SLC2A10: variants seen among roughly 807,000 people sequenced by gnomAD.
SLC2A10 encodes solute carrier family 2 member 10, also known as solute carrier family 2, facilitated glucose transporter member 10.
A neutral mutation model predicts 32.1 loss-of-function variants in SLC2A10; 25 were observed. The observed-to-expected ratio is 0.78, with a 90% CI of 0.57 to 1.09. SLC2A10 has a LOEUF of 1.09. Among genes scored for constraint, SLC2A10 ranks in the 50% least tolerant of loss-of-function variants. The pLI is 0.00. For synonymous variants in SLC2A10, 332 were observed against 309.6 expected, an observed-to-expected ratio of 1.07 and a Z score of -0.76; for missense variants, 673 against 686.5, an observed-to-expected ratio of 0.98 and a Z score of 0.22.
Position 46,733,381 on chromosome 20 carries a change from C to T in SLC2A10, c.1548-375C>T, listed in dbSNP as rs112418791. Among the ~76,000 whole-genome samples, 39 of 152,266 alleles carry T rather than the reference C, an allele frequency of 2.6e-4. 1 individual carries two copies. The highest frequency in any genetic ancestry group is 8.7e-4 in the African/African-American group (36 of 41,556). ...TGTTAAACCATTCATGAGAAGCTGC[C>T]CCCATGATCCAATCACCTCCCATCA... On this transcript the variant is annotated intron_variant, in intron 4 of 4. Coordinates refer to ENST00000359271, the MANE Select transcript of SLC2A10 (RefSeq NM_030777.4).
intron 1 of SLC2A10, 126 bp downstream of exon 1, chr20:46,709,866 CCT>C (rs1489850043): frequency 8.4e-7 from 1 of 1,196,020 alleles, no homozygotes; most frequent in Non-Finnish European, 1.2e-6. Flanking sequence ...CCGGATACCG[CCT>C]CTCGGGTGGC....
chr20:46,729,624 AGTTTT>A, intron 4 of SLC2A10, 136 bp downstream of exon 4: 3 of 372,644 alleles, frequency 8.1e-6, no homozygotes, highest in Non-Finnish European at 1.3e-5. Context: ...GGGCACTATG[AGTTTT>A]TTTTTTTTTT....
chr20:46,727,611 T>C (rs1980049839), intron 3 of SLC2A10, among the ~76,000 whole-genome samples: 1 of 152,210 alleles, frequency 6.6e-6, no homozygotes, highest in South Asian at 2.1e-4. Context: ...CCACCGTGTC[T>C]GGCCTGGAAG....
intron 1 of SLC2A10, among the ~76,000 whole-genome samples, chr20:46,718,135 A>T (rs116953726): frequency 0.015 from 2,286 of 152,116 alleles, 26 homozygotes; most frequent in Admixed American, 0.026. Context: ...AGGCAGGAGG[A>T]TCACTTGAGC....
intron 1 of SLC2A10, among the ~76,000 whole-genome samples, chr20:46,712,395 A>C (rs943649000): frequency 6.6e-5 from 10 of 152,062 alleles, no homozygotes; most frequent in African/African-American, 2.4e-4. Flanking sequence ...AGATACTTGC[A>C]TCCCAAACCA....
At chr20:46,710,816 G>A (rs1978864276) in intron 1 of SLC2A10, among the ~76,000 whole-genome samples, 1 of 152,202 alleles carries the variant, frequency 6.6e-6, no homozygotes, top group Admixed American at 6.5e-5. Context: ...TATTGCAAAT[G>A]CCACGGCAAG....
At chr20:46,713,933 G>C (rs1979075798) in intron 1 of SLC2A10, among the ~76,000 whole-genome samples, 1 of 152,158 alleles carries the variant, frequency 6.6e-6, no homozygotes, top group Admixed American at 6.5e-5. Flanking sequence ...GTGGAGAGTT[G>C]AGGAAGATGC....
intron 1 of SLC2A10, among the ~76,000 whole-genome samples, chr20:46,718,205 C>T (rs904279825): frequency 1.1e-4 from 16 of 151,834 alleles, no homozygotes; most frequent in African/African-American, 2.7e-4. Context: ...AGTGACGGAA[C>T]GAGACCTCAT....
At chr20:46,712,997 G>T (rs191344864) in intron 1 of SLC2A10, among the ~76,000 whole-genome samples, 6 of 151,932 alleles carry the variant, frequency 3.9e-5, no homozygotes, top group Non-Finnish European at 8.8e-5. Context: ...TCTGCTTCCT[G>T]TCCATGGCCA....
rs181493740 is a variant in SLC2A10, at chr20:46,717,216, C to G, written c.4+7476C>G. Among the ~76,000 whole-genome samples, 560 of 151,740 alleles carry G rather than the reference C, an allele frequency of 3.7e-3. 2 individuals are homozygous for G. The highest frequency in any genetic ancestry group is 0.013 in the African/African-American group (537 of 41,338). ...AGAAAATGTAACACTCAGATCAGTG[C>G]GGGAAAAAATGGAAAAAAAACCCAC... is the stretch of plus-strand genomic sequence containing the variant. On this transcript the variant is annotated intron_variant, in intron 1 of 4. Coordinates refer to ENST00000359271, the MANE Select transcript of SLC2A10 (RefSeq NM_030777.4).
At position 46,725,097 on chromosome 20, in the gene SLC2A10, A is replaced by G. The variant is rs1314663689; in HGVS notation, c.61A>G (p.Thr21Ala). ...CASVSLLGGLTFGYELAVISG... is the reference protein window; with the variant it reads ...CASVSLLGGLAFGYELAVISG... ...CTCTGTGTCTTTGCTGGGTGGCCTG[A>G]CCTTTGGTTATGAACTGGCAGTCAT... The change falls in exon 2 of 5, where the codon ACC becomes GCC. Residue 21 changes from threonine to alanine, a missense_variant. Thr to Ala is a moderately conservative substitution (Grantham distance 58). Transcript: ENST00000359271. 1.2e-6 allele frequency: 2 copies of G among 1,614,044 alleles called. No individual in the cohort carries two copies. The highest frequency in any genetic ancestry group is 2.2e-5 in the South Asian group (2 of 91,064).
chr20:46,729,921 C>T (rs936688462), intron 4 of SLC2A10, among the ~76,000 whole-genome samples: 3 of 152,094 alleles, frequency 2.0e-5, no homozygotes, highest in Non-Finnish European at 2.9e-5. Context: ...TGAGCCACCG[C>T]GCCCGGCCGG....
intron 1 of SLC2A10, among the ~76,000 whole-genome samples, chr20:46,717,830 C>T (rs1418553261): frequency 7.2e-5 from 11 of 152,154 alleles, no homozygotes; most frequent in South Asian, 2.1e-4. Context: ...GAGGAGGGAG[C>T]GCTCACTGTC....
intron 1 of SLC2A10, among the ~76,000 whole-genome samples, chr20:46,724,569 G>A (rs868857351): frequency 1.9e-4 from 29 of 151,980 alleles, no homozygotes; most frequent in Middle Eastern, 3.4e-3. Flanking sequence ...TGGAGTGGAT[G>A]GAAGAATGGA....
intron 1 of SLC2A10, chr20:46,710,286 C>A: frequency 2.6e-6 from 1 of 378,740 alleles, no homozygotes; most frequent in Admixed American, 4.5e-5. Flanking sequence ...TGTTGCCACT[C>A]GGGACTAGGG....
chr20:46,729,570 T>C, intron 4 of SLC2A10, 82 bp downstream of exon 4: 2 of 1,559,164 alleles, frequency 1.3e-6, no homozygotes, highest in South Asian at 2.2e-5. Context: ...GTCTTTGTGC[T>C]TTCCTTTTGC....
intron 3 of SLC2A10, 60 bp downstream of exon 3, chr20:46,727,046 C>T (rs561773160): frequency 6.2e-7 from 1 of 1,611,654 alleles, no homozygotes; most frequent in South Asian, 1.1e-5. Context: ...TACTCTAAAG[C>T]AGAAATTTTT....
chr20:46,735,945 G>A lies in SLC2A10; in HGVS notation c.*2111G>A, dbSNP rs927202727. ...CTAGTGTAAACAAAAATTTCAACCA[G>A]CATTCATGCCGAACCTATACCCATT... is the stretch of plus-strand genomic sequence containing the variant. On this transcript the variant is annotated 3_prime_UTR_variant, in exon 5 of 5. Transcript: ENST00000359271. 6.6e-6 allele frequency: 1 copy of A among 152,152 alleles called. No homozygotes were observed. The highest frequency in any genetic ancestry group is 2.4e-5 in the African/African-American group (1 of 41,416). 9.4% of individuals were successfully genotyped at this position (152,152 alleles called of 1,614,324 possible).
chr20:46,711,876 A>C (rs919925309), intron 1 of SLC2A10, among the ~76,000 whole-genome samples: 5 of 152,186 alleles, frequency 3.3e-5, no homozygotes, highest in African/African-American at 1.2e-4. Flanking sequence ...GATGTGAAAA[A>C]ATGAATTACA....
Sources: allele counts gnomAD v4.1 joint callset (sites outside exome capture counted in the v4.1 genomes callset), GRCh38; gene constraint gnomAD v4.1.1; transcripts MANE v1.5; gene names NCBI Gene and HGNC (gene_info 2026-07-23, HGNC 2026-07-21).